Variants in PPM1B observed in about 807,000 individuals in gnomAD.
The protein encoded by PPM1B is protein phosphatase, Mg2+/Mn2+ dependent 1B.
A neutral mutation model predicts 43.0 loss-of-function variants in PPM1B; 22 were observed. The ratio of observed to expected loss-of-function variants is 0.51; its 90% CI spans 0.37 to 0.73. The LOEUF (loss-of-function observed/expected upper bound fraction) is 0.73. PPM1B is among the 30% of genes least tolerant of loss of function. PPM1B has a pLI of 0.00. For missense variants in PPM1B, 632 were observed against 584.2 expected (o/e 1.08, Z -0.84); for synonymous variants, 217 against 197.9 (o/e 1.10, Z -0.81).
intron 3 of PPM1B, 195 bp from the exon 4 acceptor site, chr2:44,217,772 T>A (rs953615352): frequency 2.6e-6 from 1 of 382,322 alleles, no homozygotes; most frequent in African/African-American, 2.1e-5. Context: ...GTTTTTTCTT[T>A]TTTCCCCCTG....
chr2:44,236,175 C>T (rs557639712), downstream of PPM1B, among the ~76,000 whole-genome samples: 1 of 152,000 alleles, frequency 6.6e-6, no homozygotes, highest in African/African-American at 2.4e-5. Context: ...GCGGGCAGAT[C>T]ACTTGAGGTC....
chr2:44,239,204 C>G (rs930802347), downstream of PPM1B, among the ~76,000 whole-genome samples: 1 of 143,348 alleles, frequency 7.0e-6, no homozygotes. Flanking sequence ...AAAAAAAAAT[C>G]CGGTTGGATA....
intron 1 of PPM1B, among the ~76,000 whole-genome samples, chr2:44,178,474 A>ATATTT (rs1445760590): frequency 1.1e-3 from 144 of 135,312 alleles, no homozygotes; most frequent in African/African-American, 3.6e-3. Context: ...ATATATATAT[A>ATATTT]TTTTTTTTTT....
rs1005304800 is a variant in PPM1B, at chr2:44,176,374, A to G, written c.-15+7100A>G. ...TAGCTGAAGGATTAGTGGTTGACCA[A>G]TAGTGCCTGGTACTGATTTGTAATG... On this transcript the variant is annotated intron_variant, in intron 1 of 5. Coordinates refer to ENST00000282412, the MANE Select transcript of PPM1B (RefSeq NM_002706.6). 4.6e-5 allele frequency among the ~76,000 whole-genome samples: 7 copies of G among 152,240 alleles called. No individual in the cohort carries two copies. The South Asian group carries it at 6.2e-4, about 13-fold the overall frequency.
intron 1 of PPM1B, among the ~76,000 whole-genome samples, chr2:44,188,165 G>C (rs1225528018): frequency 6.6e-6 from 1 of 152,164 alleles, no homozygotes; most frequent in Non-Finnish European, 1.5e-5. Context: ...TTTTTAAGAA[G>C]GGGGATGGAT....
chr2:44,176,519 T>A (rs536234801), intron 1 of PPM1B, among the ~76,000 whole-genome samples: 1 of 152,228 alleles, frequency 6.6e-6, no homozygotes, highest in African/African-American at 2.4e-5. Context: ...GTTGTATTAC[T>A]TAACGTCGTG....
chr2:44,221,876 T>A (rs1444777299), intron 5 of PPM1B, among the ~76,000 whole-genome samples: 1 of 152,174 alleles, frequency 6.6e-6, no homozygotes, highest in African/African-American at 2.4e-5. Flanking sequence ...GGAAACTTCT[T>A]AAGTTCTTTA....
rs1199145248 is a variant in PPM1B, at chr2:44,214,189, T to C, written c.965-3778T>C. Among the ~76,000 whole-genome samples the C allele has an allele frequency of 2.6e-5, 4 of 152,256 alleles. No individual in the cohort carries two copies. In the East Asian group the frequency reaches 7.7e-4, roughly 29 times the overall value. On this transcript the variant is annotated intron_variant, in intron 3 of 5. Transcript: ENST00000282412. ...TAGCTGCCCGGGTTCACACCATTCTTCTGCCTCAGCCTCCGAAGTAGCTGG... is the reference window on the plus strand; with the variant it reads ...TAGCTGCCCGGGTTCACACCATTCTCCTGCCTCAGCCTCCGAAGTAGCTGG...
At chr2:44,230,323 A>G (rs1670413043) in intron 5 of PPM1B, 90 bp from the exon 6 acceptor site, 4 of 1,534,816 alleles carry the variant, frequency 2.6e-6, no homozygotes, top group South Asian at 1.3e-5. Flanking sequence ...TTTTCGGTAG[A>G]GAAATTAGTA....
downstream of PPM1B, among the ~76,000 whole-genome samples, chr2:44,235,438 T>C (rs1176962210): frequency 6.6e-6 from 1 of 151,964 alleles, no homozygotes; most frequent in Non-Finnish European, 1.5e-5. Context: ...ACCCTGTCTT[T>C]ACTAAAAATA....
chr2:44,238,571 G>A (rs1462051325), downstream of PPM1B, among the ~76,000 whole-genome samples: 1 of 152,080 alleles, frequency 6.6e-6, no homozygotes, highest in Admixed American at 6.5e-5. Context: ...GCCTGGTGGC[G>A]GGTGCCTATA....
At chr2:44,236,972 A>G (rs1237032956), downstream of PPM1B, among the ~76,000 whole-genome samples, 1 of 152,232 alleles carries the variant, frequency 6.6e-6, no homozygotes, top group African/African-American at 2.4e-5. Context: ...CACATATTAG[A>G]CAATTCCTAG....
intron 3 of PPM1B, among the ~76,000 whole-genome samples, chr2:44,210,817 A>G (rs1365560735): frequency 6.6e-6 from 1 of 152,118 alleles, no homozygotes; most frequent in Non-Finnish European, 1.5e-5. Flanking sequence ...ATTACATGAC[A>G]CTACATAACT....
Position 44,231,261 on chromosome 2 carries a change from A to G in PPM1B, c.*543A>G. On this transcript the variant is annotated 3_prime_UTR_variant, in exon 6 of 6. Transcript: ENST00000282412. ...ACATCTCTGTAGTTTTATTTTTAGA[A>G]GTTGTGAGATATTGGATGTGTGGCT... The G allele has an allele frequency of 1.0e-6, 1 of 977,902 alleles. No homozygotes were observed. Among genetic ancestry groups the G allele is most frequent in the Non-Finnish European group, 1.2e-6 (1 of 823,136 alleles). 60.6% of individuals were successfully genotyped at this position (977,902 alleles called of 1,614,324 possible).
rs12617025 is a variant in PPM1B at position 44,176,929 on chromosome 2, C to T, written c.-15+7655C>T. On this transcript the variant is annotated intron_variant, in intron 1 of 5. Transcript: ENST00000282412. ...CCAAGTAGCTGGGATTACAGGCCTG[C>T]GGCACCACGCCCAGCTAATTTTGTA... Among the ~76,000 whole-genome samples, 69 of 152,074 alleles carry T rather than the reference C, an allele frequency of 4.5e-4. 1 individual carries two copies. The highest frequency in any genetic ancestry group is 1.5e-3 in the African/African-American group (64 of 41,502).
At chr2:44,210,367 T>C (rs1365841601) in intron 3 of PPM1B, among the ~76,000 whole-genome samples, 1 of 152,004 alleles carries the variant, frequency 6.6e-6, no homozygotes. Context: ...TACAGGCACG[T>C]GCCACCACAG....
intron 5 of PPM1B, among the ~76,000 whole-genome samples, chr2:44,229,083 G>A (rs1283286642): frequency 6.6e-6 from 1 of 151,838 alleles, no homozygotes; most frequent in Non-Finnish European, 1.5e-5. Context: ...TCGGGAGGCT[G>A]AGGCAGGAGA....
chr2:44,233,115 C>G, downstream of PPM1B: 2 of 978,894 alleles, frequency 2.0e-6, no homozygotes. Context: ...TGAGATTTGC[C>G]TTTATAATGT....
intron 5 of PPM1B, among the ~76,000 whole-genome samples, chr2:44,228,187 C>CT (rs372577752): frequency 0.8 from 92,125 of 115,142 alleles, 38,257 homozygotes; most frequent in East Asian, 0.98. Flanking sequence ...CTAACAAGCC[C>CT]TTTTTTTTTT....
Sources: gnomAD v4.1 joint callset for allele counts (sites outside exome capture counted in the v4.1 genomes callset) on GRCh38, gnomAD v4.1.1 for gene constraint, MANE v1.5 for transcripts, NCBI Gene and HGNC (gene_info 2026-07-23, HGNC 2026-07-21) for gene names.